The following KDM4B variants were observed in gnomAD, a reference collection of about 807,000 sequenced individuals.
The protein encoded by KDM4B is lysine demethylase 4B, also known as lysine-specific demethylase 4B.
A neutral mutation model predicts 125.2 loss-of-function variants in KDM4B; 32 were observed. That is an observed-to-expected ratio of 0.26 (90% CI 0.19 to 0.34). The LOEUF (loss-of-function observed/expected upper bound fraction) is 0.34. KDM4B is among the 10% of genes least tolerant of loss of function. The pLI is 1.00. For synonymous variants in KDM4B, 721 were observed against 677.9 expected, an observed-to-expected ratio of 1.06 and a Z score of -0.99; for missense variants, 1,190 against 1,577.7, an observed-to-expected ratio of 0.75 and a Z score of 4.16.
chr19:5,066,637 G>T (rs2037778583), intron 6 of KDM4B, among the ~76,000 whole-genome samples: 1 of 152,230 alleles, frequency 6.6e-6, no homozygotes. Flanking sequence ...TCCGATGCCT[G>T]GGTTTGTTTC....
At chr19:5,012,939 C>G (rs1216663507) in intron 1 of KDM4B, among the ~76,000 whole-genome samples, 1 of 152,246 alleles carries the variant, frequency 6.6e-6, no homozygotes, top group Non-Finnish European at 1.5e-5. Flanking sequence ...CTCGTCTTCC[C>G]TCCTGGAGGG....
Position 5,107,260 on chromosome 19 carries a change from G to A in KDM4B, c.919-3362G>A, listed in dbSNP as rs1292098416. Among the ~76,000 whole-genome samples the A allele has an allele frequency of 5.9e-5, 9 of 152,346 alleles. No homozygotes were observed. In the East Asian group the frequency reaches 9.6e-4, roughly 16 times the overall value. On this transcript the variant is annotated intron_variant, in intron 9 of 22. Coordinates refer to ENST00000159111, the MANE Select transcript of KDM4B (RefSeq NM_015015.3). ...GGGCGTGCTCAGGCCTTTGGGGGCC[G>A]CGCAGACCTCCTCTTGCCCTGTTTG...
chr19:5,084,347 ATGTAATTTATATAT>A (rs1204830545), intron 9 of KDM4B, among the ~76,000 whole-genome samples: 1 of 144,174 alleles, frequency 6.9e-6, no homozygotes, highest in Non-Finnish European at 1.5e-5. Context: ...TATATATTGT[ATGTAATTTATATAT>A]TGTATATAAT....
intron 2 of KDM4B, among the ~76,000 whole-genome samples, chr19:5,026,935 G>A (rs112650778): frequency 6.6e-6 from 1 of 152,208 alleles, no homozygotes; most frequent in East Asian, 1.9e-4. Flanking sequence ...GGGGCAGGGC[G>A]GTGGGAGCAG....
chr19:5,090,651 C>T (rs1346265942), intron 9 of KDM4B, among the ~76,000 whole-genome samples: 4 of 127,754 alleles, frequency 3.1e-5, no homozygotes, highest in Non-Finnish European at 5.0e-5. Flanking sequence ...CCCTCCGGCC[C>T]CCCCTTCCCC....
intron 10 of KDM4B, chr19:5,112,068 C>A (rs2039159060): frequency 2.1e-6 from 1 of 487,514 alleles, no homozygotes; most frequent in Non-Finnish European, 3.7e-6. Flanking sequence ...GCCTGGGCAA[C>A]ATATTGAGAT....
At position 5,071,197 on chromosome 19, in the gene KDM4B, C is replaced by G. The variant is rs1022290772; in HGVS notation, c.676+138C>G. The G allele has an allele frequency of 8.6e-5, 62 of 717,128 alleles. 1 individual carries two copies. The highest frequency in any genetic ancestry group is 5.3e-4 in the South Asian group (29 of 55,130). The allele number at this position is 717,128 out of a possible 1,614,324, so 44.4% of individuals were successfully genotyped here. ...TGGGGAGTGGTGACATTCTTTGAGC[C>G]ATTACTGTGTGATTTTTTCCATTTC... On this transcript the variant is annotated intron_variant, in intron 7 of 22. Coordinates refer to ENST00000159111, the MANE Select transcript of KDM4B (RefSeq NM_015015.3).
intron 2 of KDM4B, among the ~76,000 whole-genome samples, chr19:5,025,852 CT>C (rs1439911695): frequency 6.6e-6 from 1 of 151,970 alleles, no homozygotes; most frequent in Non-Finnish European, 1.5e-5. Context: ...TGTCTTTTTC[CT>C]TTTTTTTAAA....
chr19:5,053,464 G>A (rs1426565188), intron 6 of KDM4B, among the ~76,000 whole-genome samples: 1 of 152,186 alleles, frequency 6.6e-6, no homozygotes, highest in Non-Finnish European at 1.5e-5. Flanking sequence ...CAGACCAGTA[G>A]GGAGGCAGAG....
intron 11 of KDM4B, among the ~76,000 whole-genome samples, chr19:5,120,071 G>A (rs1334236747): frequency 1.3e-5 from 2 of 152,202 alleles, no homozygotes; most frequent in East Asian, 1.9e-4. Flanking sequence ...GAGCAGTTAC[G>A]AGAGGCCAGG....
intron 1 of KDM4B, among the ~76,000 whole-genome samples, chr19:4,974,853 T>C (rs2034390569): frequency 6.6e-6 from 1 of 151,868 alleles, no homozygotes. Context: ...TGGGAAAAAT[T>C]CTGGGCCCTT....
At chr19:5,005,458 C>T (rs1382498801) in intron 1 of KDM4B, among the ~76,000 whole-genome samples, 3 of 152,106 alleles carry the variant, frequency 2.0e-5, no homozygotes, top group African/African-American at 7.2e-5. Flanking sequence ...CTTAGGGGAC[C>T]TCATTGAGCT....
At chr19:5,047,287 A>C (rs1196268951) in intron 5 of KDM4B, 189 bp from the exon 6 acceptor site, 2 of 562,076 alleles carry the variant, frequency 3.6e-6, no homozygotes, top group African/African-American at 1.9e-5. Context: ...CTGGGCAAGA[A>C]TCTCACACAG....
chr19:5,094,328 C>T (rs566576535), intron 9 of KDM4B, among the ~76,000 whole-genome samples: 1 of 152,214 alleles, frequency 6.6e-6, no homozygotes, highest in Non-Finnish European at 1.5e-5. Context: ...TGGGGAGGAA[C>T]GAAAATTGCG....
At chr19:5,034,233 C>T (rs537512749) in intron 3 of KDM4B, among the ~76,000 whole-genome samples, 33 of 152,340 alleles carry the variant, frequency 2.2e-4, no homozygotes, top group African/African-American at 5.1e-4. Flanking sequence ...TGGGCCTGTT[C>T]GAGCAGTGCT....
intron 2 of KDM4B, 81 bp from the exon 3 acceptor site, chr19:5,032,785 G>T: frequency 7.4e-7 from 1 of 1,347,578 alleles, no homozygotes; most frequent in Non-Finnish European, 1.0e-6. Context: ...TTTTTAGCAC[G>T]CTCCGTTCTG....
intron 6 of KDM4B, among the ~76,000 whole-genome samples, chr19:5,049,366 C>T (rs1284560555): frequency 2.0e-5 from 3 of 152,074 alleles, no homozygotes; most frequent in African/African-American, 4.8e-5. Context: ...CATGACCCGT[C>T]GTGGGAGATG....
chr19:5,151,625 C>G lies in KDM4B; in HGVS notation c.*114C>G. 2.0e-6 allele frequency: 2 copies of G among 995,854 alleles called. No individual in the cohort carries two copies. Among genetic ancestry groups the G allele is most frequent in the Non-Finnish European group, 2.6e-6 (2 of 766,102 alleles). The allele number at this position is 995,854 out of a possible 1,614,324, so 61.7% of individuals were successfully genotyped here. On this transcript the variant is annotated 3_prime_UTR_variant, in exon 23 of 23. Transcript: ENST00000159111. ...GTCCCCGACCCCCGAGAGGCCACCT[C>G]CAAGCCGCGGGTGCCCCCTAGGGCG...
At chr19:5,138,123 C>A in intron 18 of KDM4B, 53 bp downstream of exon 18, 1 of 1,386,502 alleles carries the variant, frequency 7.2e-7, no homozygotes. Flanking sequence ...GGCTGCCGGC[C>A]ATGCTCGGCT....
Sources: allele counts gnomAD v4.1 joint callset (sites outside exome capture counted in the v4.1 genomes callset), GRCh38; gene constraint gnomAD v4.1.1; transcripts MANE v1.5; gene names NCBI Gene and HGNC (gene_info 2026-07-23, HGNC 2026-07-21).